FMN1: variants seen among roughly 807,000 people sequenced by gnomAD.
The protein encoded by FMN1 is formin 1, also known as formin-1.
A neutral mutation model predicts 132.4 loss-of-function variants in FMN1; 110 were observed. The ratio of observed to expected loss-of-function variants is 0.83; its 90% CI spans 0.71 to 0.97. FMN1 has a LOEUF of 0.97. Ranked by LOEUF, FMN1 falls within the 50% of genes least tolerant of loss-of-function variation. The pLI is 0.00. For synonymous variants in FMN1, 722 were observed against 651.7 expected (o/e 1.11, Z -1.64); for missense variants, 1,792 against 1,705.3 (o/e 1.05, Z -0.90).
intron 4 of FMN1, among the ~76,000 whole-genome samples, chr15:33,125,141 C>T (rs2011600): frequency 0.94 from 142,748 of 152,216 alleles, 67,031 homozygotes; most frequent in East Asian, 1. Context: ...CCAAATGATG[C>T]GGTAGAATGC....
In FMN1 at chr15:32,785,161, CGTGTGTGTGTGTGTGTGT is replaced by C. The variant is rs1178285469; in HGVS notation, c.4131-8260_4131-8243del. On this transcript the variant is annotated intron_variant, in intron 19 of 20. Coordinates refer to ENST00000616417, the MANE Select transcript of FMN1 (RefSeq NM_001277313.2). ...GTGTGTGTGTGTGTGTGTATACGTA[CGTGTGTGTGTGTGTGTGT>C]GTGTGTGTGTGTGTGTGTGTGTATA... 6.2e-3 allele frequency among the ~76,000 whole-genome samples: 318 copies of C among 51,502 alleles called. 8 individuals are homozygous for C. The highest frequency in any genetic ancestry group is 0.025 in the Middle Eastern group (2 of 80). 33.8% of individuals were successfully genotyped at this position (51,502 alleles called of 152,430 possible).
At chr15:32,899,939 T>C in intron 14 of FMN1, 40 bp downstream of exon 14, 2 of 1,593,490 alleles carry the variant, frequency 1.3e-6, no homozygotes, top group South Asian at 1.1e-5. Flanking sequence ...AGAAAGAAAA[T>C]AATGGCAGAT....
intron 10 of FMN1, among the ~76,000 whole-genome samples, chr15:32,921,847 G>GT (rs1301834084): frequency 1.3e-5 from 2 of 151,760 alleles, no homozygotes; most frequent in East Asian, 1.9e-4. Context: ...TAATTTTTGT[G>GT]TTTTTTGTAG....
intron 3 of FMN1, among the ~76,000 whole-genome samples, chr15:33,167,779 C>T (rs964526515): frequency 2.0e-5 from 3 of 152,248 alleles, no homozygotes; most frequent in Admixed American, 6.5e-5. Flanking sequence ...TTAAGAAAAT[C>T]ACAAGGAAGG....
intron 9 of FMN1, among the ~76,000 whole-genome samples, chr15:32,929,981 ATTTTTTTTTTTT>A (rs377263342): frequency 1.1e-5 from 1 of 91,970 alleles, no homozygotes; most frequent in South Asian, 4.2e-4. Context: ...CTATTTTTAA[ATTTTTTTTTTTT>A]TTTTTTTTTT....
Position 33,112,509 on chromosome 15 carries a change from T to G in FMN1, c.1868-23535A>C, listed in dbSNP as rs575445689. Among the ~76,000 whole-genome samples, 167 of 152,278 alleles carry G rather than the reference T, an allele frequency of 1.1e-3. 5 individuals carry two copies. In the South Asian group the frequency reaches 0.028, roughly 25 times the overall value. ...ATGAAATTAAAAGGTTCCCTAGAGATGCCGAACCTAAGAGCATTCGGTACC... is the reference window on the plus strand; with the variant it reads ...ATGAAATTAAAAGGTTCCCTAGAGAGGCCGAACCTAAGAGCATTCGGTACC... On this transcript the variant is annotated intron_variant, in intron 4 of 20. Coordinates refer to ENST00000616417, the MANE Select transcript of FMN1 (RefSeq NM_001277313.2).
rs376529164 is a variant in FMN1, at chr15:32,888,299, G to C, written c.3715-7C>G. 5.7e-5 allele frequency: 92 copies of C among 1,602,618 alleles called. No homozygotes were observed. Among genetic ancestry groups the C allele is most frequent in the Admixed American group, 1.2e-4 (7 of 57,698 alleles). On this transcript the variant is annotated splice_region_variant and splice_polypyrimidine_tract_variant and intron_variant, in intron 15 of 20. Transcript: ENST00000616417. ...TCTTTTCTGTTCCAGCTTCCTAAGA[G>C]ATATGGTAAACAAAAGTACATTATA...
At chr15:32,897,624 G>A (rs1273335732) in intron 15 of FMN1, among the ~76,000 whole-genome samples, 1 of 152,162 alleles carries the variant, frequency 6.6e-6, no homozygotes, top group African/African-American at 2.4e-5. Context: ...GTAAAAGATT[G>A]GAATTAAATT....
chr15:33,117,549 G>C (rs928281975), intron 4 of FMN1, among the ~76,000 whole-genome samples: 1 of 152,150 alleles, frequency 6.6e-6, no homozygotes, highest in Non-Finnish European at 1.5e-5. Context: ...GGATTAAGCT[G>C]AATGTTTGCT....
At chr15:32,908,858 T>G (rs779005493) in intron 11 of FMN1, among the ~76,000 whole-genome samples, 3 of 152,164 alleles carry the variant, frequency 2.0e-5, no homozygotes, top group Non-Finnish European at 4.4e-5. Flanking sequence ...TACACGCAGC[T>G]GGACACAGAA....
chr15:33,095,642 C>T (rs1871363), intron 4 of FMN1, among the ~76,000 whole-genome samples: 23,931 of 151,818 alleles, frequency 0.16, 1,947 homozygotes, highest in Middle Eastern at 0.23. Context: ...CAAAGTGTTG[C>T]GATTACAGGC....
At chr15:32,880,147 G>A (rs1365747082) in intron 16 of FMN1, among the ~76,000 whole-genome samples, 1 of 145,678 alleles carries the variant, frequency 6.9e-6, no homozygotes, top group Non-Finnish European at 1.5e-5. Flanking sequence ...ATAGCACACG[G>A]TACCATGACT....
intron 6 of FMN1, among the ~76,000 whole-genome samples, chr15:33,009,607 A>C (rs1374512108): frequency 1.3e-5 from 2 of 152,210 alleles, no homozygotes; most frequent in East Asian, 3.8e-4. Flanking sequence ...TTTGCTGACT[A>C]CTTACTATAT....
At chr15:32,988,367 G>T (rs1405699013) in intron 7 of FMN1, among the ~76,000 whole-genome samples, 4 of 152,108 alleles carry the variant, frequency 2.6e-5, no homozygotes, top group Non-Finnish European at 5.9e-5. Flanking sequence ...GAAAGAGGTG[G>T]CCTTACTTTC....
chr15:33,124,731 C>G (rs752213336), intron 4 of FMN1, among the ~76,000 whole-genome samples: 1 of 152,086 alleles, frequency 6.6e-6, no homozygotes, highest in African/African-American at 2.4e-5. Flanking sequence ...GGGAGGAAAT[C>G]TCACAAATCA....
chr15:33,042,375 C>T (rs1374806226), intron 6 of FMN1, among the ~76,000 whole-genome samples: 1 of 152,082 alleles, frequency 6.6e-6, no homozygotes, highest in African/African-American at 2.4e-5. Context: ...TTTCATAGCT[C>T]TTGAGAAAAT....
At chr15:32,831,639 T>C (rs2058504846) in intron 17 of FMN1, among the ~76,000 whole-genome samples, 5 of 152,088 alleles carry the variant, frequency 3.3e-5, no homozygotes, top group Admixed American at 3.3e-4. Context: ...AAAAATCTTT[T>C]GTGGGAATAG....
chr15:33,018,854 A>G (rs187751975), intron 6 of FMN1, among the ~76,000 whole-genome samples: 11 of 152,226 alleles, frequency 7.2e-5, no homozygotes, highest in African/African-American at 1.2e-4. Context: ...ACAGCTCTTA[A>G]GGCAGCACGT....
intron 5 of FMN1, among the ~76,000 whole-genome samples, chr15:33,080,931 A>G (rs1310730125): frequency 6.6e-6 from 1 of 152,040 alleles, no homozygotes; most frequent in Non-Finnish European, 1.5e-5. Context: ...GAAACAATAC[A>G]AGGACCTGTG....
Sources: allele counts gnomAD v4.1 joint callset (sites outside exome capture counted in the v4.1 genomes callset), GRCh38; gene constraint gnomAD v4.1.1; transcripts MANE v1.5; gene names NCBI Gene and HGNC (gene_info 2026-07-23, HGNC 2026-07-21).